The following NCK2 variants were observed in gnomAD, a reference collection of about 807,000 sequenced individuals.
NCK2 encodes cytoplasmic protein NCK2.
In NCK2, 16 loss-of-function variants were observed where a neutral mutation model predicts 33.9. The observed-to-expected ratio is 0.47, with a 90% CI of 0.32 to 0.72. The LOEUF (loss-of-function observed/expected upper bound fraction) is 0.72. Among genes scored for constraint, NCK2 ranks in the 30% least tolerant of loss-of-function variants. The pLI is 0.03. For missense variants in NCK2, 418 were observed against 537.3 expected (o/e 0.78, Z 2.19); for synonymous variants, 273 against 239.9 (o/e 1.14, Z -1.27).
At chr2:105,838,763 C>G (rs115664534) in intron 2 of NCK2, among the ~76,000 whole-genome samples, 2,636 of 152,244 alleles carry the variant, frequency 0.017, 40 homozygotes, top group Non-Finnish European at 0.021. Context: ...TGGAGGCCGA[C>G]CGTAGGCCTT....
At position 105,750,037 on chromosome 2, in the gene NCK2, A is replaced by ACACACACACACACAC. The variant is rs1553449506; in HGVS notation, c.-201+4899_-201+4900insCACACACACACACAC. 6.2e-5 allele frequency among the ~76,000 whole-genome samples: 9 copies of ACACACACACACACAC among 144,554 alleles called. No individual in the cohort carries two copies. In the South Asian group the frequency reaches 9.1e-4, roughly 15 times the overall value. 94.8% of individuals were successfully genotyped at this position (144,554 alleles called of 152,430 possible). A position where few individuals can be genotyped will look rare whatever the true frequency, so the allele number is the denominator to read the frequency against. On this transcript the variant is annotated intron_variant, in intron 1 of 4. Transcript: ENST00000233154. ...TGAGACCCTGTCTCAAAAGCAAACA[A>ACACACACACACACAC]ACACACACACACACACACACACACA...
At chr2:105,787,816 C>T (rs934245859) in intron 1 of NCK2, among the ~76,000 whole-genome samples, 3 of 152,182 alleles carry the variant, frequency 2.0e-5, no homozygotes, top group East Asian at 1.9e-4. Context: ...GGGAAAATTA[C>T]GGCCATAACT....
intron 1 of NCK2, among the ~76,000 whole-genome samples, chr2:105,794,917 ACTCT>A (rs777315716): frequency 4.6e-5 from 7 of 151,582 alleles, no homozygotes; most frequent in Admixed American, 6.6e-5. Flanking sequence ...TTGTATGACT[ACTCT>A]CTCTATCTTC....
intron 3 of NCK2, among the ~76,000 whole-genome samples, chr2:105,872,437 G>A (rs1047182756): frequency 2.6e-5 from 4 of 152,246 alleles, no homozygotes; most frequent in East Asian, 3.9e-4. Flanking sequence ...GAGCGCCTCC[G>A]TGTCCTGCGG....
chr2:105,802,928 TTG>T (rs1233163652), intron 1 of NCK2, among the ~76,000 whole-genome samples: 1 of 152,106 alleles, frequency 6.6e-6, no homozygotes, highest in East Asian at 1.9e-4. Context: ...GTGATGTCTG[TTG>T]TGTGTATAGC....
rs558245919 is a variant in NCK2, at chr2:105,792,056, C to T, written c.-200-24374C>T. On this transcript the variant is annotated intron_variant, in intron 1 of 4. Transcript: ENST00000233154. Reference sequence around the variant, plus strand: ...TGGGCTCTGCACAGAGCCGTGGGAACGCTTCCCCAGTCCTGCCTTGGTGAC... The same window carrying T: ...TGGGCTCTGCACAGAGCCGTGGGAATGCTTCCCCAGTCCTGCCTTGGTGAC... Among the ~76,000 whole-genome samples, 107 of 152,190 alleles carry T rather than the reference C, an allele frequency of 7.0e-4. No homozygotes were observed. In the Middle Eastern group the frequency reaches 0.01, roughly 15 times the overall value.
At chr2:105,806,387 A>G (rs532024426) in intron 1 of NCK2, among the ~76,000 whole-genome samples, 189 of 151,848 alleles carry the variant, frequency 1.2e-3, no homozygotes, top group African/African-American at 4.2e-3. Context: ...ACAGGCACCC[A>G]CCACCACGTC....
intron 2 of NCK2, among the ~76,000 whole-genome samples, chr2:105,826,873 C>A (rs548797296): frequency 1.3e-5 from 2 of 151,972 alleles, no homozygotes; most frequent in Non-Finnish European, 2.9e-5. Flanking sequence ...ATAGACCATG[C>A]AAATACTAAT....
intron 3 of NCK2, 37 bp downstream of exon 3, chr2:105,855,326 A>T: frequency 2.0e-6 from 3 of 1,471,844 alleles, no homozygotes; most frequent in Non-Finnish European, 2.8e-6. Flanking sequence ...AGCCTTGTGC[A>T]TTTCAAGGGA....
Position 105,821,969 on chromosome 2 carries a change from G to A in NCK2, c.-17+5356G>A, listed in dbSNP as rs569486506. 1.2e-4 allele frequency among the ~76,000 whole-genome samples: 18 copies of A among 151,628 alleles called. 1 individual carries two copies. The highest frequency in any genetic ancestry group is 4.1e-4 in the East Asian group (2 of 4,922). On this transcript the variant is annotated intron_variant, in intron 2 of 4. Coordinates refer to ENST00000233154, the MANE Select transcript of NCK2 (RefSeq NM_003581.5). ...CACATGATGGTGGTGACATGGTAAC[G>A]ACCCATTCTCCAAGTGCTTACCTTA...
chr2:105,842,235 C>T (rs1265985934), intron 2 of NCK2, among the ~76,000 whole-genome samples: 1 of 151,994 alleles, frequency 6.6e-6, no homozygotes, highest in South Asian at 2.1e-4. Context: ...AAAGGATGCA[C>T]CACCATGCCA....
Position 105,786,737 on chromosome 2 carries a change from T to G in NCK2, c.-200-29693T>G, listed in dbSNP as rs1027390749. On this transcript the variant is annotated intron_variant, in intron 1 of 4. Coordinates refer to ENST00000233154, the MANE Select transcript of NCK2 (RefSeq NM_003581.5). ...CGCTGTCTCTTATTTCTCTGCCTCC[T>G]TCAGGTCCAGCTTCTACTCTCTCCT... Among the ~76,000 whole-genome samples, 9 of 152,278 alleles carry G rather than the reference T, an allele frequency of 5.9e-5. No homozygotes were observed. The East Asian group carries it at 1.7e-3, about 29-fold the overall frequency.
At chr2:105,795,950 C>A (rs773524832) in intron 1 of NCK2, among the ~76,000 whole-genome samples, 10 of 152,150 alleles carry the variant, frequency 6.6e-5, no homozygotes, top group South Asian at 2.1e-4. Flanking sequence ...TGAAACACAT[C>A]AACGATATAT....
intron 1 of NCK2, among the ~76,000 whole-genome samples, chr2:105,807,790 T>C (rs1675125292): frequency 1.6e-5 from 1 of 62,718 alleles, no homozygotes; most frequent in Non-Finnish European, 3.1e-5. Context: ...CTCCCTTCTC[T>C]CTCTCCCTCC....
At chr2:105,800,630 A>G (rs1674793526) in intron 1 of NCK2, among the ~76,000 whole-genome samples, 1 of 152,216 alleles carries the variant, frequency 6.6e-6, no homozygotes, top group African/African-American at 2.4e-5. Context: ...AACAAGAAAC[A>G]TTCATCCTGT....
intron 4 of NCK2, among the ~76,000 whole-genome samples, chr2:105,885,572 G>A (rs1260407148): frequency 6.6e-6 from 1 of 151,910 alleles, no homozygotes; most frequent in Non-Finnish European, 1.5e-5. Context: ...CTTGAAGCTT[G>A]TTAAAACAAA....
intron 1 of NCK2, among the ~76,000 whole-genome samples, chr2:105,783,414 C>T (rs909232496): frequency 6.6e-6 from 1 of 152,086 alleles, no homozygotes; most frequent in Non-Finnish European, 1.5e-5. Context: ...CGTGAAGGCC[C>T]GCGTGGAACA....
chr2:105,750,192 TC>T (rs1447090401), intron 1 of NCK2, among the ~76,000 whole-genome samples: 1 of 152,178 alleles, frequency 6.6e-6, no homozygotes, highest in Non-Finnish European at 1.5e-5. Context: ...TCTTCCTGGC[TC>T]GTCTTCTTGT....
intron 1 of NCK2, among the ~76,000 whole-genome samples, chr2:105,785,954 G>A (rs1183855266): frequency 6.6e-6 from 1 of 152,164 alleles, no homozygotes; most frequent in Non-Finnish European, 1.5e-5. Flanking sequence ...CTGGTTCCCT[G>A]GACTTAATAC....
Sources: gnomAD v4.1 joint callset for allele counts (sites outside exome capture counted in the v4.1 genomes callset) on GRCh38, gnomAD v4.1.1 for gene constraint, MANE v1.5 for transcripts, NCBI Gene and HGNC (gene_info 2026-07-23, HGNC 2026-07-21) for gene names.